PTGER3: variants seen among roughly 807,000 people sequenced by gnomAD.
PTGER3 encodes prostaglandin E receptor 3, also known as prostaglandin E2 receptor EP3 subtype.
PTGER3 carries 22 observed loss-of-function variants against 34.7 expected under a neutral mutation model. The observed-to-expected ratio is 0.63, with a 90% CI of 0.45 to 0.91. The LOEUF (loss-of-function observed/expected upper bound fraction) is 0.91. Ranked by LOEUF, PTGER3 falls within the 40% of genes least tolerant of loss-of-function variation. The pLI, the probability that PTGER3 is intolerant of heterozygous loss-of-function variation, is 0.00. For missense variants in PTGER3, 468 were observed against 519.4 expected (o/e 0.90, Z 0.96); for synonymous variants, 241 against 230.1 (o/e 1.05, Z -0.43).
rs148566520 is a variant in PTGER3 at position 70,952,458 on chromosome 1, T to C, written c.*449A>G. 7 of 985,900 alleles carry C rather than the reference T, an allele frequency of 7.1e-6. No individual in the cohort carries two copies. In the East Asian group the frequency reaches 6.8e-4, roughly 96 times the overall value. 61.1% of individuals were successfully genotyped at this position (985,900 alleles called of 1,614,324 possible). A position where few individuals can be genotyped will look rare whatever the true frequency, so the allele number is the denominator to read the frequency against. On this transcript the variant is annotated 3_prime_UTR_variant, in exon 4 of 4. Coordinates refer to the PTGER3 transcript ENST00000356595. ...GATGTTGAATTAGAATGTGTTTTAA[T>C]AACCTGAACAAATAACAGATTTTCC...
intron 2 of PTGER3, among the ~76,000 whole-genome samples, chr1:70,961,693 T>C (rs1373540513): frequency 1.3e-5 from 2 of 152,250 alleles, no homozygotes; most frequent in African/African-American, 2.4e-5. Context: ...AGTTATGCTC[T>C]ACAAGTTTTA....
At chr1:71,028,682 A>G (rs8179390) in intron 1 of PTGER3, among the ~76,000 whole-genome samples, 62,213 of 151,966 alleles carry the variant, frequency 0.41, 13,697 homozygotes, top group South Asian at 0.5. Context: ...AACACCAGGC[A>G]TTAGAGCAAC....
chr1:70,978,853 G>A (rs911440367), intron 2 of PTGER3, among the ~76,000 whole-genome samples: 9 of 152,028 alleles, frequency 5.9e-5, no homozygotes, highest in Non-Finnish European at 1.0e-4. Context: ...TGGAGATGAT[G>A]TAATCCAACT....
intron 4 of PTGER3, among the ~76,000 whole-genome samples, chr1:70,934,641 G>A (rs1198080985): frequency 1.3e-5 from 2 of 152,092 alleles, no homozygotes; most frequent in Admixed American, 6.6e-5. Context: ...GGGAAAATTA[G>A]GATGTCTCCA....
chr1:70,902,395 G>T (rs1183431890), intron 4 of PTGER3, among the ~76,000 whole-genome samples: 1 of 152,194 alleles, frequency 6.6e-6, no homozygotes, highest in Non-Finnish European at 1.5e-5. Context: ...CTGGCAACTG[G>T]CCATAGGCAG....
At chr1:71,023,164 T>C (rs971647189) in intron 1 of PTGER3, among the ~76,000 whole-genome samples, 3 of 151,842 alleles carry the variant, frequency 2.0e-5, no homozygotes, top group Non-Finnish European at 4.4e-5. Flanking sequence ...GCCTGACCTC[T>C]GTGTTCACAA....
rs1221179286 is a variant in PTGER3 at position 70,971,414 on chromosome 1, G to T, written c.*316C>A. On this transcript the variant is annotated 3_prime_UTR_variant, in exon 4 of 4. Transcript: ENST00000306666. ...GTTAAGATTCACGTAAAGGTTTGAA[G>T]TTGGAGAAAACTCCTGGAACACAGG... 1 of 1,074,980 alleles carries T rather than the reference G, an allele frequency of 9.3e-7. No homozygotes were observed. The highest frequency in any genetic ancestry group is 1.7e-5 in the African/African-American group (1 of 60,430). 66.6% of individuals were successfully genotyped at this position (1,074,980 alleles called of 1,614,324 possible).
intron 4 of PTGER3, among the ~76,000 whole-genome samples, chr1:70,932,739 A>T (rs1022518902): frequency 1.3e-5 from 2 of 152,160 alleles, no homozygotes; most frequent in Admixed American, 6.5e-5. Flanking sequence ...ACAAGTCAAG[A>T]TGAGATTTGG....
At chr1:70,898,020 T>G (rs1193733427) in intron 4 of PTGER3, among the ~76,000 whole-genome samples, 1 of 151,306 alleles carries the variant, frequency 6.6e-6, no homozygotes, top group Non-Finnish European at 1.5e-5. Flanking sequence ...AAAGTGAGGG[T>G]TGGGGAGTGG....
intron 4 of PTGER3, among the ~76,000 whole-genome samples, chr1:70,919,314 A>G (rs1371186028): frequency 6.6e-6 from 1 of 152,168 alleles, no homozygotes; most frequent in Non-Finnish European, 1.5e-5. Flanking sequence ...CTGTATATTT[A>G]GATGGAGGTG....
chr1:70,885,269 T>A (rs1170877394), intron 4 of PTGER3, among the ~76,000 whole-genome samples: 1 of 152,172 alleles, frequency 6.6e-6, no homozygotes, highest in African/African-American at 2.4e-5. Context: ...CTAACATCAT[T>A]ACTCACTCCA....
intron 2 of PTGER3, chr1:71,007,380 G>C: frequency 1.0e-6 from 1 of 985,852 alleles, no homozygotes; most frequent in Middle Eastern, 5.2e-4. Flanking sequence ...TCAAGGAAGA[G>C]TTGGGAAGGA....
chr1:70,902,763 T>C (rs1646867237), intron 4 of PTGER3, among the ~76,000 whole-genome samples: 1 of 152,292 alleles, frequency 6.6e-6, no homozygotes, highest in South Asian at 2.1e-4. Flanking sequence ...AGCTGACTTA[T>C]GTACTGGACA....
chr1:70,867,293 G>A (rs1440553904), intron 4 of PTGER3, among the ~76,000 whole-genome samples: 1 of 152,184 alleles, frequency 6.6e-6, no homozygotes, highest in Admixed American at 6.5e-5. Flanking sequence ...TTTTAAGAAT[G>A]TACCTTTATT....
At chr1:70,943,279 C>G (rs888822121) in intron 4 of PTGER3, among the ~76,000 whole-genome samples, 1 of 152,128 alleles carries the variant, frequency 6.6e-6, no homozygotes, top group Non-Finnish European at 1.5e-5. Context: ...TACCAGCAAG[C>G]AAATAATCAA....
intron 2 of PTGER3, among the ~76,000 whole-genome samples, chr1:70,996,385 CTGTT>C (rs1281660675): frequency 2.6e-5 from 4 of 151,976 alleles, no homozygotes; most frequent in African/African-American, 7.2e-5. Flanking sequence ...AAAAACTTCC[CTGTT>C]TAAGTAATGG....
At chr1:70,943,142 T>C (rs544287528) in intron 4 of PTGER3, among the ~76,000 whole-genome samples, 3 of 152,284 alleles carry the variant, frequency 2.0e-5, no homozygotes, top group Non-Finnish European at 2.9e-5. Context: ...AGTCTGTCAG[T>C]CTTTCAGGGA....
intron 2 of PTGER3, among the ~76,000 whole-genome samples, chr1:70,988,642 T>G (rs1424679983): frequency 6.6e-5 from 10 of 152,212 alleles, no homozygotes; most frequent in Admixed American, 5.9e-4. Context: ...CTCCAATCTC[T>G]GATAACCAGG....
intron 4 of PTGER3, among the ~76,000 whole-genome samples, chr1:70,925,169 T>A (rs927080828): frequency 6.6e-6 from 1 of 152,178 alleles, no homozygotes; most frequent in African/African-American, 2.4e-5. Context: ...CATGCTTGGC[T>A]AATTTTTGTA....
Sources: allele counts gnomAD v4.1 joint callset (sites outside exome capture counted in the v4.1 genomes callset), GRCh38; gene constraint gnomAD v4.1.1; transcripts MANE v1.5; gene names NCBI Gene and HGNC (gene_info 2026-07-23, HGNC 2026-07-21).